The following MTUS2 variants were observed in gnomAD, a reference collection of about 807,000 sequenced individuals.
MTUS2 encodes the protein microtubule associated scaffold protein 2, also known as microtubule-associated tumor suppressor candidate 2.
In MTUS2, 40 loss-of-function variants were observed where a neutral mutation model predicts 114.1. The ratio of observed to expected loss-of-function variants is 0.35; its 90% CI spans 0.27 to 0.46. The LOEUF is 0.46. MTUS2 is among the 20% of genes least tolerant of loss of function. MTUS2 has a pLI of 1.00. For synonymous variants in MTUS2, 688 were observed against 672.0 expected, an observed-to-expected ratio of 1.02 and a Z score of -0.37; for missense variants, 1,679 against 1,705.4, an observed-to-expected ratio of 0.98 and a Z score of 0.27.
At chr13:29,327,003 A>AAT (rs1455571064) in intron 7 of MTUS2, among the ~76,000 whole-genome samples, 1 of 152,094 alleles carries the variant, frequency 6.6e-6, no homozygotes, top group Non-Finnish European at 1.5e-5. Context: ...AATAAAATAA[A>AAT]AATTTAAAAA....
intron 5 of MTUS2, among the ~76,000 whole-genome samples, chr13:29,273,964 G>A (rs943311102): frequency 6.6e-6 from 1 of 152,104 alleles, no homozygotes; most frequent in Admixed American, 6.6e-5. Flanking sequence ...TTTGACTTGT[G>A]AATAATGTTG....
chr13:29,019,525 C>A (rs778125358), intron 2 of MTUS2, among the ~76,000 whole-genome samples: 1 of 152,136 alleles, frequency 6.6e-6, no homozygotes, highest in African/African-American at 2.4e-5. Context: ...TGCATTGAGA[C>A]CAGCAAGGTG....
At position 29,498,556 on chromosome 13, in the gene MTUS2, TCGGGAGAGTAACCTCCATGA is replaced by T; in HGVS notation, c.3798+21_3798+40del. 6.2e-7 allele frequency: 1 copy of T among 1,613,802 alleles called. No homozygotes were observed. The highest frequency in any genetic ancestry group is 8.5e-7 in the Non-Finnish European group (1 of 1,179,828). ...AAAGCTGGTGAGTTGGTCTGTTTGCTCGGGAGAGTAACCTCCATGACATTCCTGCTGTCATCACTGATGTC... is the reference window on the plus strand; with the variant it reads ...AAAGCTGGTGAGTTGGTCTGTTTGCTCATTCCTGCTGTCATCACTGATGTC... On this transcript the variant is annotated intron_variant, in intron 14 of 15. Coordinates refer to ENST00000612955, the MANE Select transcript of MTUS2 (RefSeq NM_001033602.4).
At chr13:29,113,380 C>T (rs914637781) in intron 5 of MTUS2, among the ~76,000 whole-genome samples, 2 of 152,176 alleles carry the variant, frequency 1.3e-5, no homozygotes, top group Non-Finnish European at 1.5e-5. Context: ...AGACAGAATT[C>T]GCTACTATAG....
chr13:29,147,272 A>T (rs1202458326), intron 5 of MTUS2, among the ~76,000 whole-genome samples: 2 of 152,214 alleles, frequency 1.3e-5, no homozygotes, highest in Non-Finnish European at 2.9e-5. Flanking sequence ...TCTACAGTTG[A>T]TACAATGGAA....
intron 8 of MTUS2, among the ~76,000 whole-genome samples, chr13:29,392,349 A>G (rs1873568367): frequency 6.6e-6 from 1 of 151,944 alleles, no homozygotes; most frequent in East Asian, 1.9e-4. Context: ...TGACTGGCTT[A>G]TTTCACCCAG....
chr13:29,040,755 A>G (rs1350881831), intron 4 of MTUS2, among the ~76,000 whole-genome samples: 1 of 151,660 alleles, frequency 6.6e-6, no homozygotes, highest in Non-Finnish European at 1.5e-5. Flanking sequence ...CTATTTGTAT[A>G]TTTGAGAATT....
intron 8 of MTUS2, among the ~76,000 whole-genome samples, chr13:29,390,945 G>A (rs112213395): frequency 1.4e-4 from 21 of 152,048 alleles, no homozygotes; most frequent in Non-Finnish European, 2.6e-4. Flanking sequence ...ACTATGCCCA[G>A]CTAATTATTG....
chr13:29,111,391 C>G (rs1328403778), intron 5 of MTUS2, among the ~76,000 whole-genome samples: 1 of 152,184 alleles, frequency 6.6e-6, no homozygotes, highest in Admixed American at 6.5e-5. Context: ...TTTTCTTGCT[C>G]TTACCCTCTC....
At position 28,956,880 on chromosome 13, in the gene MTUS2, A is replaced by G. The variant is rs1324760746; in HGVS notation, c.-242-67577A>G. Among the ~76,000 whole-genome samples the G allele has an allele frequency of 2.0e-5, 3 of 150,890 alleles. No homozygotes were observed. The South Asian group carries it at 6.3e-4, about 32-fold the overall frequency. On this transcript the variant is annotated intron_variant, in intron 2 of 15. Coordinates refer to ENST00000612955, the MANE Select transcript of MTUS2 (RefSeq NM_001033602.4). ...AGAGATGGGTGAGCTGGTGGAAAGAAAGTGTGATGGCGACAGAGGGAAGAA... is the reference window on the plus strand; with the variant it reads ...AGAGATGGGTGAGCTGGTGGAAAGAGAGTGTGATGGCGACAGAGGGAAGAA...
intron 4 of MTUS2, among the ~76,000 whole-genome samples, chr13:29,042,806 TATA>T (rs1887433088): frequency 6.6e-6 from 1 of 152,152 alleles, no homozygotes; most frequent in South Asian, 2.1e-4. Flanking sequence ...TGGTAGCAGT[TATA>T]ATATCCCCTG....
Position 29,471,748 on chromosome 13 carries a change from C to CCCCCG in MTUS2, c.3185-8400_3185-8399insCCGCC, listed in dbSNP as rs565840294. On this transcript the variant is annotated intron_variant, in intron 9 of 15. Coordinates refer to ENST00000612955, the MANE Select transcript of MTUS2 (RefSeq NM_001033602.4). ...CCTCTGCTCTGCAGGCCCAGCCCCC[C>CCCCCG]CCGACACATTGATCTTAGGTCACTT... Among the ~76,000 whole-genome samples the CCCCCG allele has an allele frequency of 4.9e-4, 74 of 150,202 alleles. 1 individual carries two copies. Among genetic ancestry groups the CCCCCG allele is most frequent in the African/African-American group, 1.7e-3 (71 of 41,060 alleles).
chr13:29,379,954 G>C (rs1872077320), intron 8 of MTUS2, among the ~76,000 whole-genome samples: 2 of 152,202 alleles, frequency 1.3e-5, no homozygotes, highest in Admixed American at 6.5e-5. Context: ...ACTGAAAATA[G>C]AAGAAACTGG....
chr13:28,850,605 A>G (rs73454610), intron 2 of MTUS2, among the ~76,000 whole-genome samples: 1,903 of 152,350 alleles, frequency 0.012, 46 homozygotes, highest in African/African-American at 0.043. Context: ...GCTTAACATT[A>G]AGGTGTTAAA....
chr13:29,478,514 A>G (rs572734847), intron 9 of MTUS2, among the ~76,000 whole-genome samples: 5 of 152,360 alleles, frequency 3.3e-5, no homozygotes, highest in African/African-American at 1.2e-4. Flanking sequence ...AAGGTAAGTC[A>G]CTGTAGCAAT....
In MTUS2 at chr13:29,062,907, C is replaced by T. The variant is rs189873323; in HGVS notation, c.2446+28782C>T. Among the ~76,000 whole-genome samples, 225 of 152,318 alleles carry T rather than the reference C, an allele frequency of 1.5e-3. 1 individual carries two copies. The highest frequency in any genetic ancestry group is 5.2e-3 in the African/African-American group (216 of 41,564). ...GGAGAATAAAAGAATCTGAGCACTTCATTACATCTTACATCATTTTCGTGT... is the reference window on the plus strand; with the variant it reads ...GGAGAATAAAAGAATCTGAGCACTTTATTACATCTTACATCATTTTCGTGT... On this transcript the variant is annotated intron_variant, in intron 4 of 15. Coordinates refer to ENST00000612955, the MANE Select transcript of MTUS2 (RefSeq NM_001033602.4).
intron 5 of MTUS2, among the ~76,000 whole-genome samples, chr13:29,121,855 T>G (rs1365548623): frequency 6.6e-6 from 1 of 151,954 alleles, no homozygotes. Flanking sequence ...AGACAGGGTT[T>G]CTCCATGTTG....
chr13:29,123,650 A>G (rs1891401348), intron 5 of MTUS2, among the ~76,000 whole-genome samples: 1 of 152,080 alleles, frequency 6.6e-6, no homozygotes, highest in Admixed American at 6.6e-5. Flanking sequence ...CTGGGAGTGG[A>G]GGAGCCAAGA....
At chr13:29,041,227 T>G (rs1471756756) in intron 4 of MTUS2, among the ~76,000 whole-genome samples, 1 of 152,210 alleles carries the variant, frequency 6.6e-6, no homozygotes, top group Admixed American at 6.5e-5. Context: ...TTTATGTTTT[T>G]GTTTGCGTTA....
Sources: allele counts gnomAD v4.1 joint callset (sites outside exome capture counted in the v4.1 genomes callset), GRCh38; gene constraint gnomAD v4.1.1; transcripts MANE v1.5; gene names NCBI Gene and HGNC (gene_info 2026-07-23, HGNC 2026-07-21).